Variants in CTDSP2 observed in about 807,000 individuals in gnomAD.
CTDSP2 encodes the protein CTD small phosphatase 2, also known as carboxy-terminal domain RNA polymerase II polypeptide A small phosphatase 2.
In CTDSP2, 9 loss-of-function variants were observed where a neutral mutation model predicts 31.6. The ratio of observed to expected loss-of-function variants is 0.28; its 90% CI spans 0.17 to 0.50. The LOEUF (loss-of-function observed/expected upper bound fraction) is 0.50. Among genes scored for constraint, CTDSP2 ranks in the 20% least tolerant of loss-of-function variants. The probability of loss-of-function intolerance (pLI) is 0.98; values close to 1 mark genes in which losing one functional copy is unlikely to be tolerated. For synonymous variants in CTDSP2, 134 were observed against 134.5 expected (o/e 1.00, Z 0.03); for missense variants, 267 against 348.5 (o/e 0.77, Z 1.86).
chr12:57,827,681 C>G, intron 2 of CTDSP2, 91 bp from the exon 3 acceptor site: 1 of 1,297,556 alleles, frequency 7.7e-7, no homozygotes, highest in East Asian at 2.5e-5. Flanking sequence ...TGGAGGGCAA[C>G]TTTCTCCCCC....
chr12:57,834,909 G>C (rs2140480113), intron 1 of CTDSP2, among the ~76,000 whole-genome samples: 1 of 152,238 alleles, frequency 6.6e-6, no homozygotes, highest in East Asian at 1.9e-4. Context: ...GATCACCTGA[G>C]GTTGGCAGTT....
intron 2 of CTDSP2, among the ~76,000 whole-genome samples, chr12:57,828,361 G>T (rs1178984158): frequency 6.6e-6 from 1 of 151,456 alleles, no homozygotes; most frequent in African/African-American, 2.4e-5. Context: ...GGAGGTTGCG[G>T]TGAGCCAAGA....
At chr12:57,831,270 A>C (rs565360781) in intron 1 of CTDSP2, among the ~76,000 whole-genome samples, 1 of 152,082 alleles carries the variant, frequency 6.6e-6, no homozygotes, top group Non-Finnish European at 1.5e-5. Flanking sequence ...AGCCTGGCCC[A>C]CATGGTGAAA....
chr12:57,822,528 A>G lies in CTDSP2; in HGVS notation c.*1074T>C, dbSNP rs376829272. 6.6e-6 allele frequency: 1 copy of G among 152,312 alleles called. No homozygotes were observed. The highest frequency in any genetic ancestry group is 1.5e-5 in the Non-Finnish European group (1 of 68,132). 9.4% of individuals were successfully genotyped at this position (152,312 alleles called of 1,614,324 possible). On this transcript the variant is annotated 3_prime_UTR_variant, in exon 8 of 8. Coordinates refer to ENST00000398073, the MANE Select transcript of CTDSP2 (RefSeq NM_005730.4). ...CAGGACAGGCCCTGGGGGAAGACACAACAGGAAAAGAGCCCTGCCCAAGAA... is the reference window on the plus strand; with the variant it reads ...CAGGACAGGCCCTGGGGGAAGACACGACAGGAAAAGAGCCCTGCCCAAGAA...
At chr12:57,846,308 G>A in intron 1 of CTDSP2, 64 bp downstream of exon 1, 2 of 1,482,982 alleles carry the variant, frequency 1.3e-6, no homozygotes, top group Non-Finnish European at 1.8e-6. Context: ...CCTGGGTTCG[G>A]GGCTGTGCTA....
At chr12:57,838,093 G>A (rs2140482381) in intron 1 of CTDSP2, among the ~76,000 whole-genome samples, 1 of 152,316 alleles carries the variant, frequency 6.6e-6, no homozygotes, top group Middle Eastern at 3.4e-3. Context: ...CTCCTGGGCA[G>A]CTCCAACGTA....
intron 1 of CTDSP2, among the ~76,000 whole-genome samples, chr12:57,833,873 T>C (rs1956230984): frequency 6.6e-6 from 1 of 152,262 alleles, no homozygotes; most frequent in African/African-American, 2.4e-5. Flanking sequence ...GCATCAAGGA[T>C]GTGCCAGGTC....
chr12:57,824,547 C>T, intron 5 of CTDSP2: 1 of 668,690 alleles, frequency 1.5e-6, no homozygotes, highest in Non-Finnish European at 2.9e-6. Context: ...CTCAACCTGG[C>T]TCAGGAAGAA....
intron 2 of CTDSP2, 68 bp downstream of exon 2, chr12:57,829,380 A>G (rs975067507): frequency 2.8e-5 from 43 of 1,556,128 alleles, no homozygotes; most frequent in Admixed American, 1.6e-4. Context: ...TCCGGTTGCC[A>G]TCGTCTGCAG....
intron 1 of CTDSP2, among the ~76,000 whole-genome samples, chr12:57,839,930 G>A (rs1183195598): frequency 6.6e-6 from 1 of 152,028 alleles, no homozygotes; most frequent in Admixed American, 6.6e-5. Flanking sequence ...CCTATGGCAA[G>A]TACTCTATAA....
chr12:57,842,834 T>A (rs1341121726), intron 1 of CTDSP2: 2 of 152,210 alleles, frequency 1.3e-5, no homozygotes, highest in East Asian at 3.8e-4. Flanking sequence ...GCAAGATTCA[T>A]GTCTAAGCTT....
At chr12:57,834,419 G>A (rs1313686357) in intron 1 of CTDSP2, among the ~76,000 whole-genome samples, 1 of 152,176 alleles carries the variant, frequency 6.6e-6, no homozygotes, top group Non-Finnish European at 1.5e-5. Flanking sequence ...TGTCAAAGTT[G>A]GAAGGGGTAA....
intron 1 of CTDSP2, chr12:57,842,474 C>T (rs780827103): frequency 2.0e-5 from 3 of 152,228 alleles, no homozygotes; most frequent in African/African-American, 4.8e-5. Context: ...ACAGCAATTC[C>T]AGTGCTGCTC....
chr12:57,838,406 T>TGC (rs1956260729), intron 1 of CTDSP2, among the ~76,000 whole-genome samples: 2 of 152,216 alleles, frequency 1.3e-5, no homozygotes, highest in Admixed American at 6.5e-5. Context: ...AAACCACACT[T>TGC]GCCTACCTGG....
chr12:57,846,144 A>C (rs2140488166), intron 1 of CTDSP2, among the ~76,000 whole-genome samples: 1 of 152,248 alleles, frequency 6.6e-6, no homozygotes, highest in South Asian at 2.1e-4. Flanking sequence ...GGACAGGGTG[A>C]CAGCTGCGCC....
At chr12:57,832,558 G>A (rs903642804) in intron 1 of CTDSP2, among the ~76,000 whole-genome samples, 1 of 152,028 alleles carries the variant, frequency 6.6e-6, no homozygotes, top group Non-Finnish European at 1.5e-5. Context: ...TTGGAAGGCC[G>A]AGGTGGGCGG....
At chr12:57,838,321 C>T (rs775386586) in intron 1 of CTDSP2, among the ~76,000 whole-genome samples, 2 of 152,208 alleles carry the variant, frequency 1.3e-5, no homozygotes, top group Non-Finnish European at 2.9e-5. Flanking sequence ...AGGACTGGAT[C>T]CTGCCCCTGC....
chr12:57,833,042 ACAAT>A (rs1956226304), intron 1 of CTDSP2, among the ~76,000 whole-genome samples: 1 of 152,172 alleles, frequency 6.6e-6, no homozygotes, highest in African/African-American at 2.4e-5. Flanking sequence ...ATGCAGAACC[ACAAT>A]CAGAGGCTTA....
At chr12:57,837,664 CT>C (rs1956256307) in intron 1 of CTDSP2, among the ~76,000 whole-genome samples, 3 of 152,086 alleles carry the variant, frequency 2.0e-5, no homozygotes, top group Admixed American at 2.0e-4. Flanking sequence ...GCACTCCAGC[CT>C]GGGGGACAGA....
Sources: allele counts gnomAD v4.1 joint callset (sites outside exome capture counted in the v4.1 genomes callset), GRCh38; gene constraint gnomAD v4.1.1; transcripts MANE v1.5; gene names NCBI Gene and HGNC (gene_info 2026-07-23, HGNC 2026-07-21).